NRBP2: variants seen among roughly 807,000 people sequenced by gnomAD.
NRBP2 encodes the protein nuclear receptor-binding protein 2.
NRBP2 carries 47 observed loss-of-function variants against 74.4 expected under a neutral mutation model. The ratio of observed to expected loss-of-function variants is 0.63; its 90% CI spans 0.50 to 0.81. The LOEUF (loss-of-function observed/expected upper bound fraction) is 0.81, where lower values mean the gene tolerates loss of function less well. Among genes scored for constraint, NRBP2 ranks in the 30% least tolerant of loss-of-function variants. The pLI is 0.00. For synonymous variants in NRBP2, 312 were observed against 273.8 expected, an observed-to-expected ratio of 1.14 and a Z score of -1.38; for missense variants, 613 against 690.1, an observed-to-expected ratio of 0.89 and a Z score of 1.25.
In NRBP2 at chr8:143,839,861, G is replaced by A; in HGVS notation, c.355-36C>T. ...CGAGCTCAGGATTTCCACCAGCTGC[G>A]GGTTCGTCCCCATGCCCGCCCCACC... On this transcript the variant is annotated intron_variant, in intron 3 of 17. Coordinates refer to ENST00000442628, the MANE Select transcript of NRBP2 (RefSeq NM_178564.4). This position sits in a 1 kb window ranked among gnomAD's most constrained non-coding sequence, Gnocchi z 5.1. 3 of 1,535,378 alleles carry A rather than the reference G, an allele frequency of 2.0e-6. No individual in the cohort carries two copies. Among genetic ancestry groups the A allele is most frequent in the East Asian group, 2.4e-5 (1 of 40,910 alleles).
At position 143,840,741 on chromosome 8, in the gene NRBP2, TTTCCTC is replaced by T. The variant is rs1389337228; in HGVS notation, c.88_93del (p.Glu30_Glu31del). 6.6e-7 allele frequency: 1 copy of T among 1,512,402 alleles called. No individual in the cohort carries two copies. Among genetic ancestry groups the T allele is most frequent in the Non-Finnish European group, 8.8e-7 (1 of 1,136,294 alleles). 93.7% of individuals were successfully genotyped at this position (1,512,402 alleles called of 1,614,324 possible). ...CGCTTTTGCCAGCGACCACACGGGC[TTTCCTC>T]CAGGATGTCGCTCTCGTCCTCGCTC... On this transcript the variant is annotated inframe_deletion, in exon 1 of 18. Transcript: ENST00000442628. This position sits in a 1 kb window ranked among gnomAD's most constrained non-coding sequence, Gnocchi z 5.7.
In NRBP2 at chr8:143,835,600, C is replaced by G; in HGVS notation, c.*62G>C. On this transcript the variant is annotated 3_prime_UTR_variant, in exon 18 of 18. Transcript: ENST00000442628. This position sits in a 1 kb window ranked among gnomAD's most constrained non-coding sequence, Gnocchi z 4.9. ...GAGGGCAGCCCCACGGTGCTGGAGT[C>G]TCCCCAACATGGCCTGCCCAGGCAG... 1 of 1,402,452 alleles carries G rather than the reference C, an allele frequency of 7.1e-7. No homozygotes were observed. The highest frequency in any genetic ancestry group is 1.4e-5 in the South Asian group (1 of 73,334). 86.9% of individuals were successfully genotyped at this position (1,402,452 alleles called of 1,614,324 possible).
chr8:143,838,990 G>C, intron 8 of NRBP2, 27 bp downstream of exon 8: 2 of 1,557,080 alleles, frequency 1.3e-6, no homozygotes, highest in Non-Finnish European at 1.7e-6. Context: ...GGGTAGGCAC[G>C]GGGCACCCGG....
Position 143,840,297 on chromosome 8 carries a change from T to C in NRBP2, c.130-68A>G, listed in dbSNP as rs1247300759. The C allele has an allele frequency of 6.6e-6, 10 of 1,518,802 alleles. No individual in the cohort carries two copies. The highest frequency in any genetic ancestry group is 7.0e-6 in the Non-Finnish European group (8 of 1,135,716). 94.1% of individuals were successfully genotyped at this position (1,518,802 alleles called of 1,614,324 possible). A position where few individuals can be genotyped will look rare whatever the true frequency, so the allele number is the denominator to read the frequency against. Reference sequence around the variant, plus strand: ...GGGTTGTGGGTGAGGATTTGGTCCCTGTCCACACCTTTCCAGTGGGCCCAA... The same window carrying C: ...GGGTTGTGGGTGAGGATTTGGTCCCCGTCCACACCTTTCCAGTGGGCCCAA... On this transcript the variant is annotated intron_variant, in intron 1 of 17. Coordinates refer to ENST00000442628, the MANE Select transcript of NRBP2 (RefSeq NM_178564.4). This position sits in a 1 kb window ranked among gnomAD's most constrained non-coding sequence, Gnocchi z 5.7.
chr8:143,839,170 A>G lies in NRBP2; in HGVS notation c.604+2T>C. On this transcript the variant is annotated splice_donor_variant, in intron 7 of 17. Coordinates refer to ENST00000442628, the MANE Select transcript of NRBP2 (RefSeq NM_178564.4). LOFTEE classifies it high-confidence loss of function. The surrounding 1 kb of genome is among the most constrained non-coding windows in gnomAD (Gnocchi z 5.1). Reference sequence around the variant, plus strand: ...CCCCGTCCCCCCAAAGTCCGCACTTACCATTGGAGAAGATTCGGTGCCACA... The same window carrying G: ...CCCCGTCCCCCCAAAGTCCGCACTTGCCATTGGAGAAGATTCGGTGCCACA... The G allele has an allele frequency of 6.6e-7, 1 of 1,525,762 alleles. No homozygotes were observed. Among genetic ancestry groups the G allele is most frequent in the Non-Finnish European group, 8.8e-7 (1 of 1,140,264 alleles). The allele number at this position is 1,525,762 out of a possible 1,614,324, so 94.5% of individuals were successfully genotyped here.
downstream of NRBP2, among the ~76,000 whole-genome samples, chr8:143,832,371 T>A (rs199850191): frequency 8.6e-5 from 13 of 151,980 alleles, no homozygotes; most frequent in South Asian, 2.1e-4. Flanking sequence ...CCTCGTGGGA[T>A]GGGAAAGACC....
In NRBP2 at chr8:143,837,489, C is replaced by T. The variant is rs782383760; in HGVS notation, c.994G>A (p.Val332Met). The change falls in exon 12 of 18, where the codon GTG becomes ATG. Residue 332 changes from valine (V) to methionine (M), a missense_variant. Transcript: ENST00000442628. This position sits in a 1 kb window ranked among gnomAD's most constrained non-coding sequence, Gnocchi z 4.3. ...TCCATGGCCTTGGTCTTCTCCTCCA[C>T]CACATTCTCAGGCATGAGGTCTGCG... ...QHQYLMPENV[V>M]EEKTKAMDLH... The T allele has an allele frequency of 3.7e-6, 6 of 1,611,118 alleles. No individual in the cohort carries two copies. The highest frequency in any genetic ancestry group is 2.2e-5 in the East Asian group (1 of 44,814).
chr8:143,839,138 T>C lies in NRBP2; in HGVS notation c.604+34A>G. On this transcript the variant is annotated intron_variant, in intron 7 of 17. Transcript: ENST00000442628. This position sits in a 1 kb window ranked among gnomAD's most constrained non-coding sequence, Gnocchi z 5.1. The stretch of plus-strand genomic sequence containing the variant: ...GCAGAGCTGAGCGGGCGGGGACCTC[T>C]CCAGGACCCCGTCCCCCCAAAGTCC... 6.6e-7 allele frequency: 1 copy of C among 1,514,666 alleles called. No homozygotes were observed. Among genetic ancestry groups the C allele is most frequent in the Non-Finnish European group, 8.8e-7 (1 of 1,134,148 alleles). 93.8% of individuals were successfully genotyped at this position (1,514,666 alleles called of 1,614,324 possible).
rs1818667535 is a variant in NRBP2, at chr8:143,840,948, A to G, written c.-114T>C. The G allele has an allele frequency of 7.0e-6, 8 of 1,146,650 alleles. No individual in the cohort carries two copies. The East Asian group carries it at 1.7e-4, about 25-fold the overall frequency. 71.0% of individuals were successfully genotyped at this position (1,146,650 alleles called of 1,614,324 possible). A position where few individuals can be genotyped will look rare whatever the true frequency, so the allele number is the denominator to read the frequency against. Reference sequence around the variant, plus strand: ...CAGCCTAGAGCCGCCGCGGCAGCCTAGAGCCCCAGCCCCGGCTCTGGGAAT... The same window carrying G: ...CAGCCTAGAGCCGCCGCGGCAGCCTGGAGCCCCAGCCCCGGCTCTGGGAAT... On this transcript the variant is annotated 5_prime_UTR_variant, in exon 1 of 18. Transcript: ENST00000442628. The surrounding 1 kb of genome is among the most constrained non-coding windows in gnomAD (Gnocchi z 5.7).
chr8:143,840,898 C>T lies in NRBP2; in HGVS notation c.-64G>A. ...GCCGCCGGCGCAGCCTCTCCCGGCC[C>T]GCCCTGGCCTCGCGCCCAGCAGCCC... On this transcript the variant is annotated 5_prime_UTR_variant, in exon 1 of 18. Coordinates refer to ENST00000442628, the MANE Select transcript of NRBP2 (RefSeq NM_178564.4). The surrounding 1 kb of genome is among the most constrained non-coding windows in gnomAD (Gnocchi z 5.7). The T allele has an allele frequency of 8.1e-7, 1 of 1,235,840 alleles. No individual in the cohort carries two copies. The highest frequency in any genetic ancestry group is 1.0e-6 in the Non-Finnish European group (1 of 994,186). The allele number at this position is 1,235,840 out of a possible 1,614,324, so 76.6% of individuals were successfully genotyped here.
At chr8:143,838,539 C>T (rs1260041566) in intron 10 of NRBP2, 141 bp downstream of exon 10, 5 of 650,936 alleles carry the variant, frequency 7.7e-6, no homozygotes, top group East Asian at 2.7e-5. Context: ...CCACTGAGGT[C>T]CTCTTTGGGA....
At chr8:143,836,087 C>A in intron 15 of NRBP2, 40 bp downstream of exon 15, 1 of 1,590,528 alleles carries the variant, frequency 6.3e-7, no homozygotes, top group Non-Finnish European at 8.5e-7. Context: ...CACGCTCCCG[C>A]CTTCCCCACG....
intron 15 of NRBP2, 44 bp from the exon 16 acceptor site, chr8:143,836,074 C>G (rs373297414): frequency 6.3e-7 from 1 of 1,578,244 alleles, no homozygotes; most frequent in South Asian, 1.2e-5. Flanking sequence ...TTCAGGGCTC[C>G]GCCACGCTCC....
chr8:143,839,977 G>A lies in NRBP2; in HGVS notation c.306C>T (p.Ile102=), dbSNP rs782197314. Residue 102 remains isoleucine, a synonymous_variant, in exon 3 of 18, where the codon ATC becomes ATT. Coordinates refer to ENST00000442628, the MANE Select transcript of NRBP2 (RefSeq NM_178564.4). This position sits in a 1 kb window ranked among gnomAD's most constrained non-coding sequence, Gnocchi z 5.1. The part of the protein sequence containing the change: ...EQLVLVDHPN[I]VKLHKYWLDT... The stretch of plus-strand genomic sequence containing the variant: ...CCAGCCAGTACTTGTGCAACTTCAC[G>A]ATGTTCGGGTGGTCCACCAGCACCA... 3.8e-5 allele frequency: 58 copies of A among 1,536,042 alleles called. No individual in the cohort carries two copies. Among genetic ancestry groups the A allele is most frequent in the Non-Finnish European group, 4.8e-5 (55 of 1,146,916 alleles).
In NRBP2 at chr8:143,837,187, C is replaced by G. The variant is rs369098911; in HGVS notation, c.1128-13G>C. 1,974 of 1,613,820 alleles carry G rather than the reference C, an allele frequency of 1.2e-3. 2 individuals carry two copies. Among genetic ancestry groups the G allele is most frequent in the Non-Finnish European group, 1.5e-3 (1,805 of 1,179,914 alleles). On this transcript the variant is annotated splice_polypyrimidine_tract_variant and intron_variant, in intron 13 of 17. Transcript: ENST00000442628. This position sits in a 1 kb window ranked among gnomAD's most constrained non-coding sequence, Gnocchi z 4.3. ...GTAGATTCCATTCCTGGGGACACAA[C>G]AGGGTGGCTGGGGGTTCAGGCCTGA...
At position 143,837,811 on chromosome 8, in the gene NRBP2, G is replaced by A. The variant is rs782573739; in HGVS notation, c.841-56C>T. On this transcript the variant is annotated intron_variant, in intron 10 of 17. Transcript: ENST00000442628. This position sits in a 1 kb window ranked among gnomAD's most constrained non-coding sequence, Gnocchi z 4.3. The stretch of plus-strand genomic sequence containing the variant: ...TGCAAGGGCTCTCTGCTCTGGCCCC[G>A]CAGTTCGAGGAGAGGTGGCCCCTGA... 54 of 1,547,374 alleles carry A rather than the reference G, an allele frequency of 3.5e-5. No homozygotes were observed. The highest frequency in any genetic ancestry group is 5.5e-5 in the African/African-American group (4 of 73,088).
chr8:143,837,129 C>T lies in NRBP2; in HGVS notation c.1173G>A (p.Leu391=), dbSNP rs1554652032. 1 of 1,612,426 alleles carries T rather than the reference C, an allele frequency of 6.2e-7. No individual in the cohort carries two copies. Among genetic ancestry groups the T allele is most frequent in the Non-Finnish European group, 8.5e-7 (1 of 1,178,992 alleles). ...GTGGGGCCAGCACACGGGGCAGCCC[C>T]AGGGGTCGAGTGGCTGCAAAGTTCA... ...PLMNFAATRP[L]GLPRVLAPPP... The change falls in exon 14 of 18, where the codon CTG becomes CTA. Residue 391 remains leucine (L), a synonymous_variant. Transcript: ENST00000442628. This position sits in a 1 kb window ranked among gnomAD's most constrained non-coding sequence, Gnocchi z 4.3.
intron 14 of NRBP2, among the ~76,000 whole-genome samples, chr8:143,836,757 G>A (rs1276692275): frequency 6.6e-6 from 1 of 151,708 alleles, no homozygotes; most frequent in Non-Finnish European, 1.5e-5. Flanking sequence ...GGAAGAGCCC[G>A]GGTGAGTTCT....
At chr8:143,836,477 G>GTGCCTGC (rs1478343096) in intron 14 of NRBP2, among the ~76,000 whole-genome samples, 5 of 152,000 alleles carry the variant, frequency 3.3e-5, no homozygotes, top group Middle Eastern at 3.2e-3. Context: ...GAAGTGCACG[G>GTGCCTGC]TGCCTGCGGG....
Sources: allele counts gnomAD v4.1 joint callset (sites outside exome capture counted in the v4.1 genomes callset), GRCh38; gene constraint gnomAD v4.1.1; non-coding constraint Gnocchi (gnomAD v3.1); transcripts MANE v1.5; gene names NCBI Gene and HGNC (gene_info 2026-07-23, HGNC 2026-07-21).